The following KCNH5 variants were observed in gnomAD, a reference collection of about 807,000 sequenced individuals.
KCNH5 encodes voltage-gated delayed rectifier potassium channel KCNH5.
In KCNH5, 46 loss-of-function variants were observed where a neutral mutation model predicts 96.1. The observed-to-expected ratio is 0.48, with a 90% confidence interval of 0.38 to 0.61. KCNH5 has a LOEUF of 0.61. Among genes scored for constraint, KCNH5 ranks in the 20% least tolerant of loss-of-function variants. The probability of loss-of-function intolerance (pLI) is 0.00; values close to 1 mark genes in which losing one functional copy is unlikely to be tolerated. For synonymous variants in KCNH5, 439 were observed against 449.8 expected (o/e 0.98, Z 0.30); for missense variants, 907 against 1,225.8 (o/e 0.74, Z 3.88).
rs770692227 is a variant in KCNH5, at chr14:62,707,943, G to A, written c.2532C>T (p.Pro844=). 8.4e-5 allele frequency: 135 copies of A among 1,613,988 alleles called. No individual in the cohort carries two copies. The highest frequency in any genetic ancestry group is 1.1e-4 in the Non-Finnish European group (129 of 1,180,028). The change falls in exon 11 of 11, where the codon CCC becomes CCT. Residue 844 remains proline, a synonymous_variant. Coordinates refer to ENST00000322893, the MANE Select transcript of KCNH5 (RefSeq NM_139318.5). ...CACTGTTCTCTGAATCACTGCTCTT[G>A]GGGTCCTCAGACAATAGCCCCATTG... The part of the protein sequence containing the change: ...AESMGLLSED[P]KSSDSENSVT...
intron 3 of KCNH5, among the ~76,000 whole-genome samples, chr14:63,004,278 C>T (rs1183109418): frequency 6.6e-6 from 1 of 152,062 alleles, no homozygotes; most frequent in South Asian, 2.1e-4. Flanking sequence ...TAGCAAAACT[C>T]CATTATAATA....
chr14:62,907,369 C>G (rs117687723), intron 7 of KCNH5, among the ~76,000 whole-genome samples: 13 of 152,332 alleles, frequency 8.5e-5, no homozygotes, highest in Admixed American at 2.6e-4. Flanking sequence ...GCCTGTCACT[C>G]TATCAGAGAA....
At chr14:62,900,796 A>G (rs189892927) in intron 7 of KCNH5, among the ~76,000 whole-genome samples, 3 of 152,328 alleles carry the variant, frequency 2.0e-5, no homozygotes, top group Non-Finnish European at 4.4e-5. Context: ...AAAAAATCCC[A>G]TAAGATAATG....
chr14:62,999,709 G>A (rs1419193734), intron 4 of KCNH5, among the ~76,000 whole-genome samples: 9 of 104,890 alleles, frequency 8.6e-5, no homozygotes, highest in Non-Finnish European at 1.6e-4. Flanking sequence ...TCTGGGGACT[G>A]TTGTGGGGTG....
At chr14:62,857,712 T>C (rs965253157) in intron 7 of KCNH5, among the ~76,000 whole-genome samples, 1 of 152,166 alleles carries the variant, frequency 6.6e-6, no homozygotes, top group Non-Finnish European at 1.5e-5. Context: ...TGGCAGCTGA[T>C]TAGATGGTGC....
At chr14:62,831,873 T>TA (rs765871994) in intron 8 of KCNH5, among the ~76,000 whole-genome samples, 11 of 151,954 alleles carry the variant, frequency 7.2e-5, no homozygotes, top group Non-Finnish European at 1.6e-4. Flanking sequence ...CATGTCTGGC[T>TA]AGTTTTTTTT....
chr14:62,859,706 T>C (rs1320972004), intron 7 of KCNH5, among the ~76,000 whole-genome samples: 5 of 152,228 alleles, frequency 3.3e-5, no homozygotes, highest in African/African-American at 1.2e-4. Flanking sequence ...GGTGGCCTGC[T>C]TGAAGTTCTG....
At chr14:62,978,536 G>T (rs1890544941) in intron 6 of KCNH5, among the ~76,000 whole-genome samples, 1 of 149,754 alleles carries the variant, frequency 6.7e-6, no homozygotes, top group Non-Finnish European at 1.5e-5. Context: ...GCAGTGAGCC[G>T]AGACAGAGCC....
intron 10 of KCNH5, among the ~76,000 whole-genome samples, chr14:62,748,083 G>A (rs1885417229): frequency 6.6e-6 from 1 of 152,164 alleles, no homozygotes; most frequent in African/African-American, 2.4e-5. Context: ...AGGGTTCTTT[G>A]ATCTTGCACC....
chr14:62,985,482 G>C (rs553924624), intron 5 of KCNH5, among the ~76,000 whole-genome samples: 2 of 152,152 alleles, frequency 1.3e-5, no homozygotes, highest in Non-Finnish European at 2.9e-5. Flanking sequence ...ACTGATAAGC[G>C]TATGGATTTT....
chr14:62,932,589 A>T (rs1889601817), intron 7 of KCNH5, among the ~76,000 whole-genome samples: 1 of 152,112 alleles, frequency 6.6e-6, no homozygotes, highest in Non-Finnish European at 1.5e-5. Context: ...GAAATAACTC[A>T]AGAAAATATC....
intron 2 of KCNH5, among the ~76,000 whole-genome samples, chr14:63,007,340 G>A (rs1341042730): frequency 6.6e-6 from 1 of 152,142 alleles, no homozygotes; most frequent in Admixed American, 6.6e-5. Context: ...AAAGGAGGAT[G>A]ACAATTTTCG....
intron 9 of KCNH5, among the ~76,000 whole-genome samples, chr14:62,781,189 C>G (rs575968257): frequency 2.6e-5 from 4 of 152,034 alleles, no homozygotes; most frequent in Non-Finnish European, 4.4e-5. Flanking sequence ...GCCCACAAGC[C>G]ACAAAAACCA....
intron 6 of KCNH5, among the ~76,000 whole-genome samples, chr14:62,955,080 CT>C (rs1890078483): frequency 6.7e-6 from 1 of 149,256 alleles, no homozygotes; most frequent in Non-Finnish European, 1.5e-5. Flanking sequence ...CATCAGAGAA[CT>C]GCCAAAAAAA....
chr14:62,812,601 T>C (rs1433972573), intron 8 of KCNH5, among the ~76,000 whole-genome samples: 1 of 147,984 alleles, frequency 6.8e-6, no homozygotes, highest in South Asian at 2.2e-4. Flanking sequence ...AGTCTAAATA[T>C]GATAATTAAC....
At chr14:62,913,389 G>A (rs1037060277) in intron 7 of KCNH5, among the ~76,000 whole-genome samples, 13 of 151,318 alleles carry the variant, frequency 8.6e-5, no homozygotes, top group African/African-American at 1.7e-4. Flanking sequence ...CAGCATGCCC[G>A]GCTAATTTTT....
chr14:62,998,964 G>A (rs1890960666), intron 4 of KCNH5, among the ~76,000 whole-genome samples: 1 of 152,128 alleles, frequency 6.6e-6, no homozygotes, highest in Non-Finnish European at 1.5e-5. Context: ...AAGCAAATGA[G>A]CATTAAACCT....
chr14:62,961,859 C>A (rs1050417916), intron 6 of KCNH5, among the ~76,000 whole-genome samples: 1 of 143,238 alleles, frequency 7.0e-6, no homozygotes, highest in Non-Finnish European at 1.5e-5. Context: ...GATGGAGATG[C>A]AGATGCAGAT....
intron 7 of KCNH5, among the ~76,000 whole-genome samples, chr14:62,918,325 G>A (rs796468914): frequency 1.2e-4 from 18 of 152,018 alleles, no homozygotes; most frequent in African/African-American, 2.7e-4. Context: ...AGTACAGAAG[G>A]CCCCAAAAGC....
Sources: allele counts gnomAD v4.1 joint callset (sites outside exome capture counted in the v4.1 genomes callset), GRCh38; gene constraint gnomAD v4.1.1; transcripts MANE v1.5; gene names NCBI Gene and HGNC (gene_info 2026-07-23, HGNC 2026-07-21).